The following ATP2B1 variants were observed in gnomAD, a reference collection of about 807,000 sequenced individuals.
ATP2B1 encodes the protein plasma membrane calcium-transporting ATPase 1.
A neutral mutation model predicts 124.2 loss-of-function variants in ATP2B1; 14 were observed. The observed-to-expected ratio is 0.11, with a 90% confidence interval of 0.07 to 0.18. The LOEUF is 0.18. Among genes scored for constraint, ATP2B1 ranks in the 10% least tolerant of loss-of-function variants. The probability of loss-of-function intolerance (pLI) is 1.00; values close to 1 mark genes in which losing one functional copy is unlikely to be tolerated. For missense variants in ATP2B1, 763 were observed against 1,466.1 expected, an observed-to-expected ratio of 0.52 and a Z score of 7.83; for synonymous variants, 449 against 492.4, an observed-to-expected ratio of 0.91 and a Z score of 1.17.
In ATP2B1 at chr12:89,656,039, T is replaced by A; in HGVS notation, c.-153A>T. The A allele has an allele frequency of 1.3e-6, 1 of 745,696 alleles. No homozygotes were observed. The allele number at this position is 745,696 out of a possible 1,614,324, so 46.2% of individuals were successfully genotyped here. A position where few individuals can be genotyped will look rare whatever the true frequency, so the allele number is the denominator to read the frequency against. On this transcript the variant is annotated 5_prime_UTR_variant, in exon 2 of 21. Coordinates refer to ENST00000428670, the MANE Select transcript of ATP2B1 (RefSeq NM_001366521.1). ...TGTAAAGCAGCATCAGCAGCAACAT[T>A]TCCCAGAGAAGTATCTTGACCTTTG...
intron 3 of ATP2B1, among the ~76,000 whole-genome samples, chr12:89,638,332 T>A (rs1215149433): frequency 1.3e-5 from 2 of 152,194 alleles, no homozygotes; most frequent in African/African-American, 4.8e-5. Context: ...AACCTCCTAG[T>A]TGAGCTATTC....
chr12:89,640,603 T>C (rs1382887132), intron 3 of ATP2B1, among the ~76,000 whole-genome samples: 1 of 140,520 alleles, frequency 7.1e-6, no homozygotes, highest in Non-Finnish European at 1.5e-5. Context: ...AATAATTACA[T>C]AATTATTGAT....
chr12:89,662,792 T>C (rs1886863202), intron 1 of ATP2B1, among the ~76,000 whole-genome samples: 1 of 152,124 alleles, frequency 6.6e-6, no homozygotes, highest in Non-Finnish European at 1.5e-5. Context: ...GTAACTTACT[T>C]ATCTAGTAGA....
chr12:89,699,936 C>T (rs1024866980), intron 1 of ATP2B1, among the ~76,000 whole-genome samples: 8 of 151,802 alleles, frequency 5.3e-5, no homozygotes, highest in Admixed American at 1.3e-4. Context: ...CCTCTACCTC[C>T]TAGAATCAAG....
At chr12:89,637,596 G>C (rs1452495869) in intron 3 of ATP2B1, among the ~76,000 whole-genome samples, 1 of 151,762 alleles carries the variant, frequency 6.6e-6, no homozygotes, top group Non-Finnish European at 1.5e-5. Flanking sequence ...ATGGGATCTC[G>C]CCACATTGCC....
At chr12:89,694,837 G>A (rs1418086199) in intron 1 of ATP2B1, among the ~76,000 whole-genome samples, 2 of 152,016 alleles carry the variant, frequency 1.3e-5, no homozygotes, top group Non-Finnish European at 2.9e-5. Context: ...AAGGGGAATT[G>A]CTTGAGCCCA....
At chr12:89,702,526 T>C (rs1017987508) in intron 1 of ATP2B1, among the ~76,000 whole-genome samples, 4 of 152,324 alleles carry the variant, frequency 2.6e-5, no homozygotes, top group Admixed American at 1.3e-4. Flanking sequence ...CAATGAATAA[T>C]AGATCCACAT....
chr12:89,613,687 CAA>C (rs1393664327), intron 12 of ATP2B1, among the ~76,000 whole-genome samples: 4 of 152,098 alleles, frequency 2.6e-5, no homozygotes, highest in African/African-American at 7.2e-5. Context: ...GACAGGGAAA[CAA>C]TGAGTAAAAG....
At chr12:89,688,952 A>G (rs1890254388) in intron 1 of ATP2B1, among the ~76,000 whole-genome samples, 1 of 152,138 alleles carries the variant, frequency 6.6e-6, no homozygotes, top group Admixed American at 6.6e-5. Flanking sequence ...TTACCAAAAA[A>G]TACACAGGAA....
chr12:89,590,785 A>AC lies in ATP2B1; in HGVS notation c.*198dup. The AC allele has an allele frequency of 3.6e-6, 2 of 553,022 alleles. No homozygotes were observed. The highest frequency in any genetic ancestry group is 6.2e-6 in the Non-Finnish European group (2 of 321,494). The allele number at this position is 553,022 out of a possible 1,614,324, so 34.3% of individuals were successfully genotyped here. Reference sequence around the variant, plus strand: ...GTTTATCTGTCAGTTCATTTCTCCCACCCCCCAAAAAGCACCCTCAGTCTG... The same window carrying AC: ...GTTTATCTGTCAGTTCATTTCTCCCACCCCCCCAAAAAGCACCCTCAGTCTG... On this transcript the variant is annotated 3_prime_UTR_variant, in exon 21 of 21. Coordinates refer to ENST00000428670, the MANE Select transcript of ATP2B1 (RefSeq NM_001366521.1).
At chr12:89,670,397 A>G (rs1248240580) in intron 1 of ATP2B1, among the ~76,000 whole-genome samples, 1 of 149,074 alleles carries the variant, frequency 6.7e-6, no homozygotes. Context: ...ATTGTTACGC[A>G]TTCTGACTTT....
At chr12:89,594,231 T>G (rs930891297) in intron 20 of ATP2B1, 1 of 152,038 alleles carries the variant, frequency 6.6e-6, no homozygotes. Context: ...AAAGCACTCT[T>G]GATCTAAGGC....
chr12:89,632,173 T>C (rs1358195441), intron 5 of ATP2B1, among the ~76,000 whole-genome samples: 1 of 152,190 alleles, frequency 6.6e-6, no homozygotes, highest in Non-Finnish European at 1.5e-5. Context: ...CATTGATTTG[T>C]ATTTTATTTC....
intron 1 of ATP2B1, among the ~76,000 whole-genome samples, chr12:89,691,271 CTCT>C (rs1890529419): frequency 6.6e-6 from 1 of 152,068 alleles, no homozygotes; most frequent in Non-Finnish European, 1.5e-5. Flanking sequence ...ACAATCAGTC[CTCT>C]TCTAACTAAA....
chr12:89,598,029 C>T (rs1419304004), intron 20 of ATP2B1, among the ~76,000 whole-genome samples: 1 of 71,698 alleles, frequency 1.4e-5, no homozygotes, highest in Non-Finnish European at 2.4e-5. Context: ...GAAACCACTG[C>T]ACAACCAAGC....
At chr12:89,619,335 G>A (rs1260621136) in intron 11 of ATP2B1, among the ~76,000 whole-genome samples, 3 of 152,100 alleles carry the variant, frequency 2.0e-5, no homozygotes, top group Admixed American at 2.0e-4. Flanking sequence ...CTTGAGGCCA[G>A]GTGCAGTGAC....
At chr12:89,650,867 A>G (rs893010152) in intron 2 of ATP2B1, among the ~76,000 whole-genome samples, 2 of 152,232 alleles carry the variant, frequency 1.3e-5, no homozygotes, top group Admixed American at 1.3e-4. Context: ...GTGATTCAGA[A>G]TATGAATAAG....
chr12:89,681,781 A>C (rs185619971), intron 1 of ATP2B1, among the ~76,000 whole-genome samples: 14 of 152,308 alleles, frequency 9.2e-5, no homozygotes, highest in Admixed American at 8.5e-4. Context: ...TTTACATTAT[A>C]AATTATATCC....
At chr12:89,698,264 C>T (rs572820689) in intron 1 of ATP2B1, among the ~76,000 whole-genome samples, 26 of 152,182 alleles carry the variant, frequency 1.7e-4, no homozygotes, top group South Asian at 4.2e-4. Flanking sequence ...CATCAACAGG[C>T]GAACGGACAA....
Sources: allele counts gnomAD v4.1 joint callset (sites outside exome capture counted in the v4.1 genomes callset), GRCh38; gene constraint gnomAD v4.1.1; transcripts MANE v1.5; gene names NCBI Gene and HGNC (gene_info 2026-07-23, HGNC 2026-07-21).